MYO1H: variants seen among roughly 807,000 people sequenced by gnomAD.
The protein encoded by MYO1H is unconventional myosin-Ih.
Under a neutral mutation model 149.3 loss-of-function variants are expected in MYO1H, and 118 were observed. That is an observed-to-expected ratio of 0.79 (90% CI 0.68 to 0.92). MYO1H has a LOEUF of 0.92. Among genes scored for constraint, MYO1H ranks in the 40% least tolerant of loss-of-function variants. The probability of loss-of-function intolerance (pLI) is 0.00; values close to 1 mark genes in which losing one functional copy is unlikely to be tolerated. For synonymous variants in MYO1H, 447 were observed against 465.2 expected, an observed-to-expected ratio of 0.96 and a Z score of 0.50; for missense variants, 1,212 against 1,280.7, an observed-to-expected ratio of 0.95 and a Z score of 0.82.
intron 15 of MYO1H, among the ~76,000 whole-genome samples, chr12:109,417,839 G>A (rs188848297): frequency 0.059 from 8,936 of 151,080 alleles, 337 homozygotes; most frequent in Middle Eastern, 0.092. Flanking sequence ...TTTTTGAGAC[G>A]GAGTCTCGCT....
At chr12:109,416,708 G>A (rs1004190131) in intron 15 of MYO1H, among the ~76,000 whole-genome samples, 1 of 152,122 alleles carries the variant, frequency 6.6e-6, no homozygotes, top group African/African-American at 2.4e-5. Context: ...TGGTAACTCG[G>A]CCGGGTGTGA....
At chr12:109,358,188 C>G (rs11066385) in intron 1 of MYO1H, among the ~76,000 whole-genome samples, 3,841 of 151,556 alleles carry the variant, frequency 0.025, 62 homozygotes, top group Middle Eastern at 0.055. Flanking sequence ...TTACCAGAAG[C>G]AAATGTAATG....
intron 2 of MYO1H, among the ~76,000 whole-genome samples, chr12:109,393,109 T>C (rs897685749): frequency 2.0e-5 from 3 of 152,110 alleles, no homozygotes; most frequent in South Asian, 2.1e-4. Context: ...CGCCCGGCCA[T>C]GTACACCTTT....
At chr12:109,409,934 T>G (rs1870592330) in intron 11 of MYO1H, 29 bp from the exon 12 acceptor site, 1 of 1,278,554 alleles carries the variant, frequency 7.8e-7, no homozygotes, top group African/African-American at 1.5e-5. Context: ...TCATATAACT[T>G]TAGTTACTTA....
At chr12:109,319,362 TACAC>T in the MYO1H span, among the ~76,000 whole-genome samples, 9 of 152,124 alleles carry the variant, frequency 5.9e-5, no homozygotes, top group African/African-American at 1.2e-4. Flanking sequence ...TTATATGAGA[TACAC>T]ACAGTAGTCA....
At chr12:109,402,903 G>A (rs562810834) in intron 6 of MYO1H, among the ~76,000 whole-genome samples, 2 of 152,090 alleles carry the variant, frequency 1.3e-5, no homozygotes, top group East Asian at 3.9e-4. Flanking sequence ...AGAATATATC[G>A]TGTCTTTATT....
Position 109,393,566 on chromosome 12 carries a change from T to TCCATTCATCCATCCATCCAG in MYO1H, c.290+124_290+125insTCATCCATCCATCCAGCCAT. ...ATCCATCCATCCATCCATCCATCCA[T>TCCATTCATCCATCCATCCAG]CCATCCATCCGCCCACCCATCCATT... On this transcript the variant is annotated intron_variant, in intron 3 of 31. Transcript: ENST00000310903. 4.5e-6 allele frequency: 3 copies of TCCATTCATCCATCCATCCAG among 671,336 alleles called. No individual in the cohort carries two copies. The South Asian group carries it at 5.2e-5, about 12-fold the overall frequency. The allele number at this position is 671,336 out of a possible 1,614,324, so 41.6% of individuals were successfully genotyped here. A position where few individuals can be genotyped will look rare whatever the true frequency, so the allele number is the denominator to read the frequency against.
chr12:109,440,158 C>G (rs538752581), intron 24 of MYO1H, among the ~76,000 whole-genome samples: 6 of 152,002 alleles, frequency 3.9e-5, no homozygotes, highest in Admixed American at 3.9e-4. Context: ...TGTCAGCCCC[C>G]CTGAATAACT....
the MYO1H span, among the ~76,000 whole-genome samples, chr12:109,322,525 A>C: frequency 1.3e-5 from 2 of 152,176 alleles, no homozygotes; most frequent in Non-Finnish European, 2.9e-5. Flanking sequence ...TTCTTGCTTT[A>C]ACTACACCTA....
intron 1 of MYO1H, among the ~76,000 whole-genome samples, chr12:109,365,369 T>C (rs1262982391): frequency 6.6e-6 from 1 of 152,230 alleles, no homozygotes; most frequent in Non-Finnish European, 1.5e-5. Flanking sequence ...TCCAGTTCCG[T>C]CATGAAACTG....
At chr12:109,368,805 C>T (rs183306871) in intron 1 of MYO1H, among the ~76,000 whole-genome samples, 211 of 151,664 alleles carry the variant, frequency 1.4e-3, no homozygotes, top group African/African-American at 4.7e-3. Context: ...TCAACCCTTT[C>T]CCCCTCTCTT....
chr12:109,441,522 C>A, intron 25 of MYO1H, 93 bp from the exon 26 acceptor site: 1 of 752,614 alleles, frequency 1.3e-6, no homozygotes. Context: ...ACAGTTTATC[C>A]AGCAAAGGAT....
exon 32 of MYO1H, chr12:109,447,277 C>T: frequency 1.8e-6 from 2 of 1,108,586 alleles, no homozygotes; most frequent in Non-Finnish European, 1.3e-6. Context: ...GCTACCTCTT[C>T]AAGGTACCAG....
chr12:109,425,817 G>A, intron 17 of MYO1H, 129 bp from the exon 18 acceptor site: 1 of 704,012 alleles, frequency 1.4e-6, no homozygotes, highest in Non-Finnish European at 2.4e-6. Context: ...TGGCCACTAG[G>A]AAGACAATCT....
At chr12:109,396,458 A>G in exon 4 of MYO1H, 1 of 1,613,900 alleles carries the variant, frequency 6.2e-7, no homozygotes, top group Non-Finnish European at 8.5e-7. Flanking sequence ...ATTTCTGGAG[A>G]GAGTGGGGCA....
intron 3 of MYO1H, among the ~76,000 whole-genome samples, chr12:109,394,983 A>T (rs1431980801): frequency 6.6e-6 from 1 of 152,150 alleles, no homozygotes; most frequent in Non-Finnish European, 1.5e-5. Context: ...GCTGGTCTCG[A>T]ACTCCTGGGG....
chr12:109,327,240 C>G, the MYO1H span, among the ~76,000 whole-genome samples: 101 of 146,598 alleles, frequency 6.9e-4, no homozygotes, highest in African/African-American at 2.4e-3. Context: ...TCAAGCAATT[C>G]TCTGCCTCAG....
Position 109,354,630 on chromosome 12 carries a change from A to AAAAAAAAAAAAG in MYO1H, c.12+6662_12+6663insAAAAAAAGAAAA, listed in dbSNP as rs796354256. 6.5e-4 allele frequency among the ~76,000 whole-genome samples: 87 copies of AAAAAAAAAAAAG among 134,034 alleles called. 2 individuals are homozygous for AAAAAAAAAAAAG. Among genetic ancestry groups the AAAAAAAAAAAAG allele is most frequent in the Admixed American group, 1.6e-3 (20 of 12,412 alleles). The allele number at this position is 134,034 out of a possible 152,430, so 87.9% of individuals were successfully genotyped here. A position where few individuals can be genotyped will look rare whatever the true frequency, so the allele number is the denominator to read the frequency against. ...GCGAGACTCTGTCTAAAAAAAAAAA[A>AAAAAAAAAAAAG]AAAAGAAAAGAAAAGAAATCCCAGC... On this transcript the variant is annotated intron_variant, in intron 1 of 31. Transcript: ENST00000310903.
At chr12:109,349,592 T>C (rs116827016) in intron 1 of MYO1H, among the ~76,000 whole-genome samples, 16,865 of 146,262 alleles carry the variant, frequency 0.12, 1,030 homozygotes, top group Middle Eastern at 0.17. Context: ...GCTAGGGTGA[T>C]CAAGGCTGCA....
Sources: gnomAD v4.1 joint callset for allele counts (sites outside exome capture counted in the v4.1 genomes callset) on GRCh38, gnomAD v4.1.1 for gene constraint, MANE v1.5 for transcripts, NCBI Gene and HGNC (gene_info 2026-07-23, HGNC 2026-07-21) for gene names.